The following KIF13B variants were observed in gnomAD, a reference collection of about 807,000 sequenced individuals.
KIF13B encodes the protein kinesin family member 13B.
KIF13B carries 127 observed loss-of-function variants against 222.0 expected under a neutral mutation model. That is an observed-to-expected ratio of 0.57 (90% CI 0.50 to 0.66). The LOEUF is 0.66. Ranked by LOEUF, KIF13B falls within the 30% of genes least tolerant of loss-of-function variation. KIF13B has a pLI of 0.00. For missense variants in KIF13B, 2,173 were observed against 2,379.0 expected, an observed-to-expected ratio of 0.91 and a Z score of 1.80; for synonymous variants, 976 against 919.0, an observed-to-expected ratio of 1.06 and a Z score of -1.12.
intron 2 of KIF13B, among the ~76,000 whole-genome samples, chr8:29,213,896 G>A (rs1814353122): frequency 6.6e-6 from 1 of 152,174 alleles, no homozygotes; most frequent in African/African-American, 2.4e-5. Flanking sequence ...GGAGGTTGCA[G>A]TGAGCCGAGA....
At chr8:29,174,025 G>A (rs932485654) in intron 10 of KIF13B, among the ~76,000 whole-genome samples, 22 of 151,790 alleles carry the variant, frequency 1.4e-4, no homozygotes, top group African/African-American at 5.3e-4. Flanking sequence ...TATAGAGCAC[G>A]TTTGATATAT....
chr8:29,128,701 A>C (rs922135616), intron 24 of KIF13B, among the ~76,000 whole-genome samples: 3 of 152,176 alleles, frequency 2.0e-5, no homozygotes, highest in Non-Finnish European at 4.4e-5. Flanking sequence ...AAAGGAGAGA[A>C]AGGATCTGGC....
chr8:29,113,414 C>A, intron 32 of KIF13B, 49 bp downstream of exon 32: 1 of 1,162,026 alleles, frequency 8.6e-7, no homozygotes, highest in Non-Finnish European at 1.2e-6. Flanking sequence ...AGGGAGTTGG[C>A]TCTTTTTAAG....
chr8:29,196,261 T>A (rs56951850), intron 2 of KIF13B, 62 bp from the exon 3 acceptor site: 20 of 1,321,078 alleles, frequency 1.5e-5, no homozygotes, highest in East Asian at 7.8e-5. Flanking sequence ...AAAAAAAAAA[T>A]TTAGTTTAGA....
In KIF13B at chr8:29,099,182, A is replaced by G; in HGVS notation, c.4275T>C (p.Pro1425=). The G allele has an allele frequency of 1.2e-6, 2 of 1,613,738 alleles. No individual in the cohort carries two copies. The highest frequency in any genetic ancestry group is 1.7e-6 in the Non-Finnish European group (2 of 1,179,710). ...GGGGAGAAACAGAGAGGGCGGGGGC[A>G]GGAGCTATTCCTCTGGAAACTGTGG... ...SQTTVSRGIA[P]APALSVSPQN... is the part of the protein sequence containing the mutation. Residue 1425 remains proline, a synonymous_variant, in exon 36 of 40, where the codon CCT becomes CCC. Coordinates refer to ENST00000524189, the MANE Select transcript of KIF13B (RefSeq NM_015254.4).
At chr8:29,207,898 G>A (rs1239164482) in intron 2 of KIF13B, among the ~76,000 whole-genome samples, 2 of 152,138 alleles carry the variant, frequency 1.3e-5, no homozygotes, top group African/African-American at 2.4e-5. Context: ...AGAGAGAAAC[G>A]TGAATGAGGA....
In KIF13B at chr8:29,165,794, C is replaced by T. The variant is rs777781713; in HGVS notation, c.1159-22G>A. On this transcript the variant is annotated intron_variant, in intron 11 of 39. Coordinates refer to ENST00000524189, the MANE Select transcript of KIF13B (RefSeq NM_015254.4). ...TTGCCTACAAGCAAAATGTTTACTT[C>T]ATGAAATGTCTAGAAGATGCCCTGG... 21 of 1,525,354 alleles carry T rather than the reference C, an allele frequency of 1.4e-5. No homozygotes were observed. The East Asian group carries it at 4.3e-4, about 31-fold the overall frequency. The allele number at this position is 1,525,354 out of a possible 1,614,324, so 94.5% of individuals were successfully genotyped here.
intron 2 of KIF13B, among the ~76,000 whole-genome samples, chr8:29,215,250 C>T (rs973715291): frequency 6.6e-6 from 1 of 152,058 alleles, no homozygotes; most frequent in Non-Finnish European, 1.5e-5. Flanking sequence ...AAAGACTTTT[C>T]CAACCTACCT....
At chr8:29,184,730 T>C (rs188426669) in intron 6 of KIF13B, among the ~76,000 whole-genome samples, 103 of 152,224 alleles carry the variant, frequency 6.8e-4, no homozygotes, top group African/African-American at 2.5e-3. Flanking sequence ...ATACAAGCAC[T>C]CTGGATTAAG....
chr8:29,197,539 C>T (rs1813495797), intron 2 of KIF13B, among the ~76,000 whole-genome samples: 2 of 152,088 alleles, frequency 1.3e-5, no homozygotes, highest in South Asian at 2.1e-4. Flanking sequence ...TAAATACACA[C>T]ATACACATAT....
At chr8:29,235,264 A>G (rs1815457884) in intron 2 of KIF13B, among the ~76,000 whole-genome samples, 1 of 152,218 alleles carries the variant, frequency 6.6e-6, no homozygotes, top group African/African-American at 2.4e-5. Flanking sequence ...GTGCTTTGGG[A>G]GTCTAGAAAG....
intron 37 of KIF13B, 127 bp downstream of exon 37, chr8:29,092,618 G>GA: frequency 1.1e-6 from 1 of 946,164 alleles, no homozygotes; most frequent in East Asian, 2.7e-5. Context: ...ACCGACAGCT[G>GA]TTTCTGGGTT....
chr8:29,106,994 A>C (rs1325625270), intron 35 of KIF13B, among the ~76,000 whole-genome samples: 1 of 152,194 alleles, frequency 6.6e-6, no homozygotes, highest in Non-Finnish European at 1.5e-5. Context: ...ACAAACTACG[A>C]TGTGTGGTGC....
chr8:29,134,529 A>C (rs1376915812), intron 21 of KIF13B, among the ~76,000 whole-genome samples: 1 of 152,238 alleles, frequency 6.6e-6, no homozygotes, highest in Non-Finnish European at 1.5e-5. Context: ...GAAAGATCTC[A>C]AACATCAGCA....
intron 28 of KIF13B, among the ~76,000 whole-genome samples, chr8:29,122,957 T>A: frequency 6.6e-6 from 1 of 152,200 alleles, no homozygotes; most frequent in East Asian, 1.9e-4. Flanking sequence ...TATTTTTAAT[T>A]TCTATAACGT....
chr8:29,255,333 T>C (rs1586993921), intron 1 of KIF13B, among the ~76,000 whole-genome samples: 2 of 152,124 alleles, frequency 1.3e-5, no homozygotes, highest in African/African-American at 2.4e-5. Flanking sequence ...GTACCCTCAA[T>C]AGATAGAAAA....
At chr8:29,121,840 AG>A (rs1207813186) in intron 29 of KIF13B, among the ~76,000 whole-genome samples, 1 of 152,204 alleles carries the variant, frequency 6.6e-6, no homozygotes, top group African/African-American at 2.4e-5. Flanking sequence ...GAATGGCACA[AG>A]AACTCATAGA....
chr8:29,190,600 C>CTA (rs1813134233), intron 4 of KIF13B: 1 of 192,626 alleles, frequency 5.2e-6, no homozygotes, highest in Non-Finnish European at 1.1e-5. Flanking sequence ...GTGAGCCGCT[C>CTA]TAGGAAATTA....
chr8:29,197,645 G>A (rs1046665577), intron 2 of KIF13B, among the ~76,000 whole-genome samples: 9 of 152,164 alleles, frequency 5.9e-5, no homozygotes, highest in Admixed American at 1.3e-4. Flanking sequence ...ATGGGTTCAC[G>A]GTTTCTGTTT....
Sources: allele counts gnomAD v4.1 joint callset (sites outside exome capture counted in the v4.1 genomes callset), GRCh38; gene constraint gnomAD v4.1.1; transcripts MANE v1.5; gene names NCBI Gene and HGNC (gene_info 2026-07-23, HGNC 2026-07-21).